The following SAXO2 variants were observed in gnomAD, a reference collection of about 807,000 sequenced individuals.
SAXO2 encodes the protein family with sequence similarity 154, member B.
Under a neutral mutation model 18.7 loss-of-function variants are expected in SAXO2, and 17 were observed. The ratio of observed to expected loss-of-function variants is 0.91; its 90% CI spans 0.62 to 1.36. SAXO2 has a LOEUF of 1.36. SAXO2 is among the 40% of genes most tolerant of loss of function. The pLI, the probability that SAXO2 is intolerant of heterozygous loss-of-function variation, is 0.00. For synonymous variants in SAXO2, 163 were observed against 181.2 expected (o/e 0.90, Z 0.81); for missense variants, 486 against 562.6 (o/e 0.86, Z 1.38).
intron 2 of SAXO2, among the ~76,000 whole-genome samples, chr15:82,269,936 T>C (rs1267959170): frequency 6.6e-6 from 1 of 152,140 alleles, no homozygotes; most frequent in Non-Finnish European, 1.5e-5. Flanking sequence ...TGACTATGCG[T>C]CTGAAAGGAT....
intron 3 of SAXO2, among the ~76,000 whole-genome samples, chr15:82,273,912 A>G (rs901644668): frequency 3.3e-5 from 5 of 151,726 alleles, no homozygotes; most frequent in Admixed American, 2.6e-4. Flanking sequence ...TAATTTTTGT[A>G]TTTTTGGTAG....
At chr15:82,272,951 G>A (rs1368848933) in intron 3 of SAXO2, among the ~76,000 whole-genome samples, 2 of 151,764 alleles carry the variant, frequency 1.3e-5, no homozygotes, top group African/African-American at 4.8e-5. Context: ...TGTTGCCCAG[G>A]CTGGAGTATA....
chr15:82,280,680 G>A (rs2075355489), intron 3 of SAXO2, among the ~76,000 whole-genome samples: 1 of 152,090 alleles, frequency 6.6e-6, no homozygotes, highest in Non-Finnish European at 1.5e-5. Flanking sequence ...GGCCACCTCT[G>A]CCTAGTTATC....
At chr15:82,268,453 G>A (rs1427774343) in intron 2 of SAXO2, among the ~76,000 whole-genome samples, 1 of 152,200 alleles carries the variant, frequency 6.6e-6, no homozygotes, top group Non-Finnish European at 1.5e-5. Flanking sequence ...TTATTAAAGT[G>A]TCATCTCTTC....
At chr15:82,269,934 C>T (rs1279276647) in intron 2 of SAXO2, among the ~76,000 whole-genome samples, 2 of 152,032 alleles carry the variant, frequency 1.3e-5, no homozygotes, top group Non-Finnish European at 2.9e-5. Context: ...TCTGACTATG[C>T]GTCTGAAAGG....
intron 3 of SAXO2, among the ~76,000 whole-genome samples, chr15:82,281,560 T>C (rs1356545237): frequency 1.3e-5 from 2 of 152,114 alleles, no homozygotes; most frequent in Admixed American, 1.3e-4. Context: ...ACCCTGTATC[T>C]TTGCTCAAGG....
chr15:82,275,969 C>T lies in SAXO2; in HGVS notation c.433+4167C>T, dbSNP rs559560042. Among the ~76,000 whole-genome samples, 9 of 152,202 alleles carry T rather than the reference C, an allele frequency of 5.9e-5. No homozygotes were observed. The Middle Eastern group carries it at 0.014, about 230-fold the overall frequency. On this transcript the variant is annotated intron_variant, in intron 3 of 3. Transcript: ENST00000682753. Reference sequence around the variant, plus strand: ...AAAAGGAAGTCGAATTATGTCTCTTCGCTGACAATGTAATTTATACATGGG... The same window carrying T: ...AAAAGGAAGTCGAATTATGTCTCTTTGCTGACAATGTAATTTATACATGGG...
In SAXO2 at chr15:82,284,539, G is replaced by A. The variant is rs1320608195; in HGVS notation, c.*1477G>A. 3 of 151,794 alleles carry A rather than the reference G, an allele frequency of 2.0e-5. No individual in the cohort carries two copies. The highest frequency in any genetic ancestry group is 2.9e-5 in the Non-Finnish European group (2 of 67,990). The allele number at this position is 151,794 out of a possible 1,614,324, so 9.4% of individuals were successfully genotyped here. On this transcript the variant is annotated 3_prime_UTR_variant, in exon 4 of 4. Transcript: ENST00000682753. ...TAGAGGAAGAACCAGCCCCAGCAGGGGGCATAATCACCTGGTTCACCTCTT... is the reference window on the plus strand; with the variant it reads ...TAGAGGAAGAACCAGCCCCAGCAGGAGGCATAATCACCTGGTTCACCTCTT...
intron 3 of SAXO2, among the ~76,000 whole-genome samples, chr15:82,273,737 CT>C (rs2075292065): frequency 6.6e-6 from 1 of 151,818 alleles, no homozygotes; most frequent in South Asian, 2.1e-4. Context: ...TGAATTTGTT[CT>C]TTTTTTGTTT....
Position 82,282,564 on chromosome 15 carries a change from GAAAGTACCA to G in SAXO2, c.880_888del (p.Lys294_Pro296del), listed in dbSNP as rs768709447. ...GGGAAATCCCACCACCTGAGGTCAA[GAAAGTACCA>G]GAGTATGTGCCTCCTACAGGTAGCA... On this transcript the variant is annotated inframe_deletion, in exon 4 of 4. Coordinates refer to ENST00000682753, the MANE Select transcript of SAXO2 (RefSeq NM_001348699.2). 2.5e-6 allele frequency: 4 copies of G among 1,614,190 alleles called. No individual in the cohort carries two copies. The highest frequency in any genetic ancestry group is 2.2e-5 in the East Asian group (1 of 44,882).
intron 3 of SAXO2, among the ~76,000 whole-genome samples, chr15:82,281,547 G>C (rs2141381107): frequency 6.6e-6 from 1 of 152,192 alleles, no homozygotes; most frequent in South Asian, 2.1e-4. Context: ...GATAGCACAA[G>C]TTACCCTGTA....
In SAXO2 at chr15:82,265,621, T is replaced by C. The variant is rs1348737547; in HGVS notation, c.106T>C (p.Phe36Leu). The change falls in exon 2 of 4, where the codon TTT becomes CTT. Residue 36 changes from phenylalanine to leucine, a missense_variant. By Grantham distance (22) the Phe-to-Leu change is conservative. Coordinates refer to ENST00000682753, the MANE Select transcript of SAXO2 (RefSeq NM_001348699.2). ...TTRIYENSGV[F>L]CPTTEYLEKY... is the part of the protein sequence containing the mutation. ...AAGGATTTATGAAAATTCTGGGGTG[T>C]TTTGCCCTACAACTGAATATTTGGA... 2 of 1,453,566 alleles carry C rather than the reference T, an allele frequency of 1.4e-6. No individual in the cohort carries two copies. Among genetic ancestry groups the C allele is most frequent in the African/African-American group, 1.5e-5 (1 of 68,598 alleles). 90.0% of individuals were successfully genotyped at this position (1,453,566 alleles called of 1,614,324 possible).
chr15:82,262,968 T>C (rs2075149978), intron 1 of SAXO2, 36 bp downstream of exon 1: 19 of 1,578,874 alleles, frequency 1.2e-5, no homozygotes, highest in Admixed American at 1.8e-5. Context: ...GGCCCGGGCT[T>C]GGGAGCCGAC....
rs568589606 is a variant in SAXO2 at position 82,280,330 on chromosome 15, T to G, written c.434-1789T>G. On this transcript the variant is annotated intron_variant, in intron 3 of 3. Transcript: ENST00000682753. ...TTCTCTTCTGTTTACTCTCTTATAA[T>G]GAAAATCTTTTTTCTCTTGTGTGGT... Among the ~76,000 whole-genome samples the G allele has an allele frequency of 2.0e-5, 3 of 152,258 alleles. No homozygotes were observed. The East Asian group carries it at 5.8e-4, about 29-fold the overall frequency.
At chr15:82,264,586 A>G (rs753314350) in intron 1 of SAXO2, 22 of 693,074 alleles carry the variant, frequency 3.2e-5, no homozygotes, top group Non-Finnish European at 4.2e-5. Context: ...GGCAAAAAGG[A>G]ATTTATTAAG....
Position 82,282,305 on chromosome 15 carries a change from G to T in SAXO2, c.620G>T (p.Gly207Val). Reference sequence around the variant, plus strand: ...AAACGTTCTACAGCCCCTTTTAATGGTATTACAAGTCATCGCCTTGATTAT... The same window carrying T: ...AAACGTTCTACAGCCCCTTTTAATGTTATTACAAGTCATCGCCTTGATTAT... ...VVKRSTAPFN[G>V]ITSHRLDYIP... Residue 207 changes from glycine to valine, a missense_variant, in exon 4 of 4, where the codon GGT becomes GTT. Coordinates refer to ENST00000682753, the MANE Select transcript of SAXO2 (RefSeq NM_001348699.2). The T allele has an allele frequency of 6.2e-7, 1 of 1,614,114 alleles. No homozygotes were observed. The highest frequency in any genetic ancestry group is 8.5e-7 in the Non-Finnish European group (1 of 1,180,028).
chr15:82,265,317 T>C (rs2075205714), intron 1 of SAXO2, among the ~76,000 whole-genome samples: 1 of 152,180 alleles, frequency 6.6e-6, no homozygotes, highest in Non-Finnish European at 1.5e-5. Flanking sequence ...AATTTTTTTG[T>C]ATTTTTAGTA....
At chr15:82,274,277 A>G (rs1402500516) in intron 3 of SAXO2, among the ~76,000 whole-genome samples, 4 of 152,046 alleles carry the variant, frequency 2.6e-5, no homozygotes, top group Non-Finnish European at 5.9e-5. Flanking sequence ...GAACTTTCTT[A>G]GTCAACAAAG....
intron 3 of SAXO2, among the ~76,000 whole-genome samples, chr15:82,272,708 A>G (rs28522807): frequency 0.44 from 66,500 of 151,424 alleles, 15,261 homozygotes; most frequent in Middle Eastern, 0.55. Flanking sequence ...CGCCCAGCTA[A>G]TTTTTTGTAT....
Sources: gnomAD v4.1 joint callset for allele counts (sites outside exome capture counted in the v4.1 genomes callset) on GRCh38, gnomAD v4.1.1 for gene constraint, MANE v1.5 for transcripts, NCBI Gene and HGNC (gene_info 2026-07-23, HGNC 2026-07-21) for gene names.